The following PAG1 variants were observed in gnomAD, a reference collection of about 807,000 sequenced individuals.
PAG1 encodes phosphoprotein associated with glycosphingolipid-enriched microdomains 1.
In PAG1, 23 loss-of-function variants were observed where a neutral mutation model predicts 31.7. That is an observed-to-expected ratio of 0.73 (90% CI 0.52 to 1.03). PAG1 has a LOEUF of 1.03. Ranked by LOEUF, PAG1 falls within the 50% of genes least tolerant of loss-of-function variation. The pLI is 0.00. For missense variants in PAG1, 473 were observed against 540.7 expected (o/e 0.87, Z 1.24); for synonymous variants, 214 against 210.3 (o/e 1.02, Z -0.15).
intron 2 of PAG1, among the ~76,000 whole-genome samples, chr8:81,032,749 T>C (rs1808397193): frequency 6.6e-6 from 1 of 152,164 alleles, no homozygotes; most frequent in Non-Finnish European, 1.5e-5. Flanking sequence ...AAACTATACG[T>C]CCACACAAAA....
Position 80,993,244 on chromosome 8 carries a change from G to A in PAG1, c.-17C>T, listed in dbSNP as rs757342186. On this transcript the variant is annotated 5_prime_UTR_variant, in exon 4 of 9. Transcript: ENST00000220597. ...GGGCCCCATGGCAGGAGCAGGCACT[G>A]GCACCAGCCGAGGGAATCAGTCAGT... 1 of 1,594,382 alleles carries A rather than the reference G, an allele frequency of 6.3e-7. No homozygotes were observed. The highest frequency in any genetic ancestry group is 1.7e-5 in the Admixed American group (1 of 59,308).
intron 2 of PAG1, among the ~76,000 whole-genome samples, chr8:81,032,410 C>T (rs1292430634): frequency 6.6e-6 from 1 of 152,098 alleles, no homozygotes; most frequent in African/African-American, 2.4e-5. Flanking sequence ...TGAAGAGACA[C>T]TTCTCCAAAA....
rs1807602490 is a variant in PAG1, at chr8:80,993,441, A to G, written c.-80-134T>C. 3 of 489,232 alleles carry G rather than the reference A, an allele frequency of 6.1e-6. No homozygotes were observed. The East Asian group carries it at 1.0e-4, about 16-fold the overall frequency. The allele number at this position is 489,232 out of a possible 1,614,324, so 30.3% of individuals were successfully genotyped here. ...TGCTGGATGCTGAGGAGAGCCCCGG[A>G]CTGGACTTGAAATTGGACTCTGGGC... On this transcript the variant is annotated intron_variant, in intron 3 of 8. Coordinates refer to ENST00000220597, the MANE Select transcript of PAG1 (RefSeq NM_018440.4).
intron 3 of PAG1, among the ~76,000 whole-genome samples, chr8:81,007,158 C>G (rs971441713): frequency 6.6e-6 from 1 of 151,988 alleles, no homozygotes; most frequent in African/African-American, 2.4e-5. Context: ...GATACAGCGG[C>G]AAGGTTTGCA....
chr8:81,068,286 T>C lies in PAG1; in HGVS notation c.-175+1826A>G, dbSNP rs150477053. Among the ~76,000 whole-genome samples, 338 of 152,252 alleles carry C rather than the reference T, an allele frequency of 2.2e-3. 1 individual carries two copies. The highest frequency in any genetic ancestry group is 7.8e-3 in the African/African-American group (324 of 41,538). ...CACAGGCACATTGGAAGCCTGAAAA[T>C]GGGTTGGGACAATTTAAAATTTTGA... is the stretch of plus-strand genomic sequence containing the variant. On this transcript the variant is annotated intron_variant, in intron 2 of 8. Transcript: ENST00000220597.
At position 81,084,029 on chromosome 8, in the gene PAG1, C is replaced by T. The variant is rs138115782; in HGVS notation, c.-233-13859G>A. 8.6e-3 allele frequency among the ~76,000 whole-genome samples: 1,267 copies of T among 147,796 alleles called. 20 individuals carry two copies. The highest frequency in any genetic ancestry group is 0.031 in the African/African-American group (1,200 of 38,342). The stretch of plus-strand genomic sequence containing the variant: ...CAGCATGGGCAACAGAGCGAGACTC[C>T]ATCTTAGAAAAAAAAAAAAGGGAAT... On this transcript the variant is annotated intron_variant, in intron 1 of 8. Transcript: ENST00000220597.
intron 3 of PAG1, among the ~76,000 whole-genome samples, chr8:81,021,117 G>A (rs1808159897): frequency 6.6e-6 from 1 of 152,204 alleles, no homozygotes; most frequent in Non-Finnish European, 1.5e-5. Flanking sequence ...CAGATGGCAG[G>A]GCTGGATTTG....
chr8:81,047,454 T>C (rs1808660321), intron 2 of PAG1, among the ~76,000 whole-genome samples: 1 of 152,216 alleles, frequency 6.6e-6, no homozygotes, highest in South Asian at 2.1e-4. Context: ...ATTTTGAGCT[T>C]TTTTTCATAT....
At chr8:81,077,666 A>C (rs956125301) in intron 1 of PAG1, among the ~76,000 whole-genome samples, 3 of 152,196 alleles carry the variant, frequency 2.0e-5, no homozygotes, top group Non-Finnish European at 2.9e-5. Flanking sequence ...AATTTGTTGG[A>C]TATAAAAGAA....
intron 3 of PAG1, among the ~76,000 whole-genome samples, chr8:81,006,773 T>A (rs1807884707): frequency 6.6e-6 from 1 of 152,082 alleles, no homozygotes; most frequent in Non-Finnish European, 1.5e-5. Flanking sequence ...ACATTTTGAG[T>A]GTCACAGAGG....
chr8:81,090,459 T>A (rs750581744), intron 1 of PAG1, among the ~76,000 whole-genome samples: 2 of 152,228 alleles, frequency 1.3e-5, no homozygotes, highest in Non-Finnish European at 2.9e-5. Flanking sequence ...CTAGATCCAA[T>A]GCTAGACACT....
chr8:80,976,367 C>T lies in PAG1; in HGVS notation c.*177G>A, dbSNP rs34939542. On this transcript the variant is annotated 3_prime_UTR_variant, in exon 9 of 9. Transcript: ENST00000220597. Reference sequence around the variant, plus strand: ...GGGCACACTCAGGTGCAGCCTAGTCCGTACCTCTCTGTCTCAGAAACTGAA... The same window carrying T: ...GGGCACACTCAGGTGCAGCCTAGTCTGTACCTCTCTGTCTCAGAAACTGAA... The T allele has an allele frequency of 0.062, 39,318 of 637,736 alleles. 1,480 individuals carry two copies. The highest frequency in any genetic ancestry group is 0.097 in the Middle Eastern group (221 of 2,278). 39.5% of individuals were successfully genotyped at this position (637,736 alleles called of 1,614,324 possible).
intron 3 of PAG1, among the ~76,000 whole-genome samples, chr8:81,002,247 AT>A (rs543613494): frequency 6.6e-6 from 1 of 152,202 alleles, no homozygotes; most frequent in Non-Finnish European, 1.5e-5. Flanking sequence ...TTAAAAAAAA[AT>A]AAACTTCAGT....
chr8:81,061,465 C>G (rs989652032), intron 2 of PAG1, among the ~76,000 whole-genome samples: 2 of 152,112 alleles, frequency 1.3e-5, no homozygotes, highest in Non-Finnish European at 2.9e-5. Flanking sequence ...ATGCTGCAAC[C>G]AGGGAGTAAA....
chr8:80,976,574 C>T lies in PAG1; in HGVS notation c.1269G>A (p.Leu423=). Residue 423 remains leucine (L), a synonymous_variant, in exon 9 of 9, where the codon TTG becomes TTA. Coordinates refer to ENST00000220597, the MANE Select transcript of PAG1 (RefSeq NM_018440.4). The part of the protein sequence containing the change: ...KENDYESISD[L]QQGRDITRL ...GCCTGGTAATATCTCTGCCTTGCTG[C>T]AAGTCACTTATGCTCTCGTAGTCGT... 6.2e-7 allele frequency: 1 copy of T among 1,613,332 alleles called. No homozygotes were observed. The highest frequency in any genetic ancestry group is 8.5e-7 in the Non-Finnish European group (1 of 1,179,756).
intron 1 of PAG1, among the ~76,000 whole-genome samples, chr8:81,100,356 A>G (rs941610664): frequency 6.6e-6 from 1 of 152,268 alleles, no homozygotes; most frequent in African/African-American, 2.4e-5. Context: ...CGTAAAAAAT[A>G]TAATACAAAT....
At chr8:80,979,674 T>C (rs563626302) in intron 8 of PAG1, among the ~76,000 whole-genome samples, 1 of 152,316 alleles carries the variant, frequency 6.6e-6, no homozygotes, top group East Asian at 1.9e-4. Flanking sequence ...GCATATGTAC[T>C]TTGCTCTTGT....
intron 3 of PAG1, among the ~76,000 whole-genome samples, chr8:81,006,961 A>G (rs2130636096): frequency 6.6e-6 from 1 of 152,252 alleles, no homozygotes; most frequent in South Asian, 2.1e-4. Context: ...TCTACCCCCA[A>G]TTTCCATTTT....
At chr8:81,103,277 G>A (rs1402351036) in intron 1 of PAG1, among the ~76,000 whole-genome samples, 3 of 151,900 alleles carry the variant, frequency 2.0e-5, no homozygotes, top group African/African-American at 7.3e-5. Context: ...TTGGTGCTTT[G>A]AGCAGACTAA....
Sources: allele counts gnomAD v4.1 joint callset (sites outside exome capture counted in the v4.1 genomes callset), GRCh38; gene constraint gnomAD v4.1.1; transcripts MANE v1.5; gene names NCBI Gene and HGNC (gene_info 2026-07-23, HGNC 2026-07-21).